CACNG2: variants seen among roughly 807,000 people sequenced by gnomAD.
CACNG2 encodes the protein voltage-dependent calcium channel gamma-2 subunit.
CACNG2 carries 3 observed loss-of-function variants against 25.9 expected under a neutral mutation model. The ratio of observed to expected loss-of-function variants is 0.12; its 90% confidence interval spans 0.05 to 0.30. The LOEUF is 0.30. CACNG2 is among the 10% of genes least tolerant of loss of function. The probability of loss-of-function intolerance (pLI) is 1.00; values close to 1 mark genes in which losing one functional copy is unlikely to be tolerated. For synonymous variants in CACNG2, 167 were observed against 173.3 expected (o/e 0.96, Z 0.29); for missense variants, 341 against 432.5 (o/e 0.79, Z 1.88).
At chr22:36,650,894 G>A (rs1031564506) in intron 1 of CACNG2, among the ~76,000 whole-genome samples, 9 of 152,136 alleles carry the variant, frequency 5.9e-5, no homozygotes, top group African/African-American at 9.7e-5. Flanking sequence ...CTCTACCTGA[G>A]TCACCTTTCT....
At chr22:36,690,267 G>A (rs1448418524) in intron 1 of CACNG2, among the ~76,000 whole-genome samples, 2 of 152,200 alleles carry the variant, frequency 1.3e-5, no homozygotes, top group East Asian at 3.9e-4. Context: ...GGGGAAGTGC[G>A]AGGCACCTGC....
At chr22:36,676,491 C>A (rs1225937982) in intron 1 of CACNG2, among the ~76,000 whole-genome samples, 1 of 152,284 alleles carries the variant, frequency 6.6e-6, no homozygotes, top group South Asian at 2.1e-4. Flanking sequence ...ATAGGAGGCT[C>A]AGAGAGGCTA....
intron 1 of CACNG2, among the ~76,000 whole-genome samples, chr22:36,677,166 C>G (rs937445894): frequency 3.3e-5 from 5 of 152,112 alleles, no homozygotes; most frequent in African/African-American, 1.2e-4. Context: ...GCAGAGGGAA[C>G]GACTCCCTTT....
chr22:36,683,285 C>A (rs1288507596), intron 1 of CACNG2, among the ~76,000 whole-genome samples: 3 of 152,196 alleles, frequency 2.0e-5, no homozygotes, highest in Admixed American at 1.3e-4. Flanking sequence ...CAAGACAGTG[C>A]TGGATCTCTG....
At chr22:36,635,980 C>G (rs922534822) in intron 1 of CACNG2, among the ~76,000 whole-genome samples, 23 of 152,214 alleles carry the variant, frequency 1.5e-4, no homozygotes, top group South Asian at 2.1e-4. Flanking sequence ...CTCCTTGCAT[C>G]TCGTTCTGTG....
At chr22:36,669,168 C>T (rs550946998) in intron 1 of CACNG2, among the ~76,000 whole-genome samples, 2 of 152,204 alleles carry the variant, frequency 1.3e-5, no homozygotes, top group Admixed American at 6.5e-5. Context: ...ATCTCCCAGA[C>T]ATCCTTGAAG....
intron 1 of CACNG2, among the ~76,000 whole-genome samples, chr22:36,616,144 C>T (rs1376927948): frequency 1.3e-5 from 2 of 152,116 alleles, no homozygotes; most frequent in East Asian, 3.8e-4. Flanking sequence ...CCCTGGTGTC[C>T]TCATCTGTGA....
chr22:36,672,334 T>C (rs909477151), intron 1 of CACNG2, among the ~76,000 whole-genome samples: 1 of 152,086 alleles, frequency 6.6e-6, no homozygotes, highest in Non-Finnish European at 1.5e-5. Context: ...TTTTTAAAAA[T>C]TTTTATAGAG....
At chr22:36,600,411 G>A (rs915047689) in intron 1 of CACNG2, among the ~76,000 whole-genome samples, 34 of 147,902 alleles carry the variant, frequency 2.3e-4, no homozygotes, top group Non-Finnish European at 2.5e-4. Flanking sequence ...CACCACACCC[G>A]TCCTGTCTTT....
intron 1 of CACNG2, among the ~76,000 whole-genome samples, chr22:36,638,015 C>T (rs1011080106): frequency 2.0e-5 from 3 of 151,216 alleles, no homozygotes; most frequent in African/African-American, 7.3e-5. Flanking sequence ...GAGTGAGAAT[C>T]CATCTCAAAA....
At chr22:36,587,850 G>A (rs1935529381) in intron 1 of CACNG2, among the ~76,000 whole-genome samples, 1 of 152,194 alleles carries the variant, frequency 6.6e-6, no homozygotes, top group African/African-American at 2.4e-5. Context: ...TCCGAGCTGG[G>A]GACTGCCACG....
At chr22:36,662,642 A>T (rs1936815875) in intron 1 of CACNG2, among the ~76,000 whole-genome samples, 1 of 152,120 alleles carries the variant, frequency 6.6e-6, no homozygotes, top group Non-Finnish European at 1.5e-5. Flanking sequence ...CCTCCTAAGC[A>T]CTATCGGTAG....
At chr22:36,666,616 A>G (rs1329198728) in intron 1 of CACNG2, among the ~76,000 whole-genome samples, 2 of 152,064 alleles carry the variant, frequency 1.3e-5, no homozygotes, top group African/African-American at 4.8e-5. Context: ...ATGGTTGCAC[A>G]TGAAGGTATC....
At chr22:36,624,361 G>A (rs1352690828) in intron 1 of CACNG2, among the ~76,000 whole-genome samples, 2 of 152,088 alleles carry the variant, frequency 1.3e-5, no homozygotes, top group African/African-American at 2.4e-5. Context: ...TCAGTGCCCC[G>A]AGCCCTGTAG....
chr22:36,577,000 TCAGTAGAGATTGGTGAC>T (rs961543058), intron 2 of CACNG2, among the ~76,000 whole-genome samples: 5 of 152,150 alleles, frequency 3.3e-5, no homozygotes, highest in African/African-American at 9.7e-5. Flanking sequence ...CTTCCTGCTG[TCAGTAGAGATTGGTGAC>T]CAGTCGCACA....
chr22:36,629,330 G>A (rs1360540747), intron 1 of CACNG2, among the ~76,000 whole-genome samples: 1 of 152,184 alleles, frequency 6.6e-6, no homozygotes, highest in Non-Finnish European at 1.5e-5. Flanking sequence ...TCCCTGGGCA[G>A]GCTGTGAGCT....
intron 1 of CACNG2, among the ~76,000 whole-genome samples, chr22:36,639,301 A>G (rs1751746526): frequency 6.6e-6 from 1 of 152,232 alleles, no homozygotes; most frequent in African/African-American, 2.4e-5. Context: ...ATGATTACTC[A>G]AAAGGGGCAT....
chr22:36,653,075 A>G (rs959937358), intron 1 of CACNG2, among the ~76,000 whole-genome samples: 6 of 152,196 alleles, frequency 3.9e-5, no homozygotes, highest in Non-Finnish European at 4.4e-5. Context: ...TAATCCCAAC[A>G]TTTTGGGAGG....
chr22:36,658,474 C>A (rs1000821107), intron 1 of CACNG2, among the ~76,000 whole-genome samples: 15 of 152,186 alleles, frequency 9.9e-5, no homozygotes, highest in African/African-American at 2.9e-4. Flanking sequence ...TTAAAAATAA[C>A]CCTCCAGTGG....
Sources: allele counts gnomAD v4.1 joint callset (sites outside exome capture counted in the v4.1 genomes callset), GRCh38; gene constraint gnomAD v4.1.1; transcripts MANE v1.5; gene names NCBI Gene and HGNC (gene_info 2026-07-23, HGNC 2026-07-21).